FOXP1: variants seen among roughly 807,000 people sequenced by gnomAD.
The protein encoded by FOXP1 is forkhead box P1.
In FOXP1, 15 loss-of-function variants were observed where a neutral mutation model predicts 98.2. The ratio of observed to expected loss-of-function variants is 0.15; its 90% CI spans 0.10 to 0.24. FOXP1 has a LOEUF of 0.24. Among genes scored for constraint, FOXP1 ranks in the 10% least tolerant of loss-of-function variants. The pLI is 1.00. For synonymous variants in FOXP1, 371 were observed against 314.5 expected (o/e 1.18, Z -1.90); for missense variants, 633 against 848.5 (o/e 0.75, Z 3.15).
chr3:71,342,956 T>C (rs1404504239), intron 4 of FOXP1, among the ~76,000 whole-genome samples: 1 of 152,230 alleles, frequency 6.6e-6, no homozygotes, highest in Non-Finnish European at 1.5e-5. Context: ...AATTTAATAA[T>C]AGGCAATCTC....
Position 71,265,835 on chromosome 3 carries a change from T to C in FOXP1, c.-12+33985A>G, listed in dbSNP as rs566815216. On this transcript the variant is annotated intron_variant, in intron 5 of 20. Transcript: ENST00000649528. ...AAAGACAAACCTCATTGGAATCACG[T>C]AGGAGGGGGCGCGAAAAGTGAAGGT... is the stretch of plus-strand genomic sequence containing the variant. 5.1e-4 allele frequency among the ~76,000 whole-genome samples: 77 copies of C among 152,112 alleles called. 1 individual carries two copies. The highest frequency in any genetic ancestry group is 3.4e-3 in the Middle Eastern group (1 of 294).
At chr3:71,533,053 T>C (rs1406503196) in intron 2 of FOXP1, among the ~76,000 whole-genome samples, 4 of 152,224 alleles carry the variant, frequency 2.6e-5, no homozygotes, top group Non-Finnish European at 5.9e-5. Context: ...AAAGTTACCA[T>C]ACAAGTTTTA....
chr3:71,236,094 C>T (rs1350243303), intron 5 of FOXP1, among the ~76,000 whole-genome samples: 1 of 152,186 alleles, frequency 6.6e-6, no homozygotes, highest in Non-Finnish European at 1.5e-5. Context: ...ATCCCATTCT[C>T]TCCTCTCTGC....
intron 3 of FOXP1, among the ~76,000 whole-genome samples, chr3:71,422,851 T>TAC (rs902399717): frequency 2.0e-5 from 3 of 151,508 alleles, no homozygotes; most frequent in Admixed American, 6.6e-5. Flanking sequence ...CATTTCTGGG[T>TAC]ACACACACAC....
chr3:71,501,203 T>C (rs2041314519), intron 2 of FOXP1, among the ~76,000 whole-genome samples: 1 of 151,294 alleles, frequency 6.6e-6, no homozygotes, highest in Non-Finnish European at 1.5e-5. Flanking sequence ...AATAAATAAA[T>C]GGCAAAAATG....
intron 3 of FOXP1, among the ~76,000 whole-genome samples, chr3:71,394,738 A>C (rs1297607754): frequency 1.3e-5 from 2 of 152,158 alleles, no homozygotes; most frequent in African/African-American, 4.8e-5. Context: ...GCTCGTCCCA[A>C]AACTGCTGGG....
chr3:71,117,212 T>G (rs1001450684), intron 6 of FOXP1, among the ~76,000 whole-genome samples: 26 of 151,966 alleles, frequency 1.7e-4, no homozygotes, highest in African/African-American at 5.3e-4. Flanking sequence ...CTCAGCCTCC[T>G]GAATAGCTGG....
chr3:71,272,647 T>A (rs2070481781), intron 5 of FOXP1, among the ~76,000 whole-genome samples: 1 of 151,942 alleles, frequency 6.6e-6, no homozygotes, highest in Non-Finnish European at 1.5e-5. Context: ...TCCTTTATTC[T>A]CATTGACTAG....
intron 3 of FOXP1, among the ~76,000 whole-genome samples, chr3:71,466,625 G>T (rs868768127): frequency 2.6e-4 from 40 of 152,160 alleles, no homozygotes; most frequent in Admixed American, 7.2e-4. Context: ...AATAGCTTAG[G>T]GGGTGGGTGC....
At chr3:70,970,945 T>TCTCCCCGTCACTGATTTG in intron 18 of FOXP1, 140 bp from the exon 19 acceptor site, 1 of 710,196 alleles carries the variant, frequency 1.4e-6, no homozygotes, top group Non-Finnish European at 2.5e-6. Context: ...AGTCAGGCTT[T>TCTCCCCGTCACTGATTTG]CTCCCCGTCA....
At chr3:71,351,128 T>C (rs963464140) in intron 4 of FOXP1, among the ~76,000 whole-genome samples, 14 of 152,150 alleles carry the variant, frequency 9.2e-5, no homozygotes, top group Non-Finnish European at 1.9e-4. Context: ...TGAAAGGTTA[T>C]CCTGCCACAA....
intron 3 of FOXP1, among the ~76,000 whole-genome samples, chr3:71,473,232 G>A (rs1192844229): frequency 1.3e-5 from 2 of 152,066 alleles, no homozygotes; most frequent in Non-Finnish European, 2.9e-5. Context: ...AATTTACCTA[G>A]GTACATACAG....
Position 70,987,995 on chromosome 3 carries a change from G to T in FOXP1, c.1145C>A (p.Pro382His). 1 of 1,613,976 alleles carries T rather than the reference G, an allele frequency of 6.2e-7. No homozygotes were observed. The highest frequency in any genetic ancestry group is 8.5e-7 in the Non-Finnish European group (1 of 1,179,862). The change falls in exon 14 of 21, where the codon CCC becomes CAC. Residue 382 changes from proline (P) to histidine (H), a missense_variant and splice_region_variant. Pro to His is a moderately conservative substitution (Grantham distance 77). Around this residue, in one of 6 missense-constraint regions of FOXP1, gnomAD observed 141 missense variants for 199.5 expected, o/e 0.71. Transcript: ENST00000649528. The stretch of plus-strand genomic sequence containing the variant: ...CCCTTGGTGGGGATCAATACTTACG[G>T]GCTGAGGGGCGGCTTTGGGTTCTGT... Reference protein sequence around the residue: ...KSTEPKAAPQPLNLVSSVTLS... With the variant: ...KSTEPKAAPQHLNLVSSVTLS...
At chr3:71,052,219 C>A (rs145957144) in intron 9 of FOXP1, among the ~76,000 whole-genome samples, 10 of 152,088 alleles carry the variant, frequency 6.6e-5, no homozygotes, top group Non-Finnish European at 1.5e-4. Flanking sequence ...TTCCTGAAAG[C>A]ACTTCACTTC....
intron 14 of FOXP1, among the ~76,000 whole-genome samples, chr3:70,983,345 G>C (rs1269351053): frequency 1.3e-5 from 2 of 152,078 alleles, no homozygotes; most frequent in African/African-American, 4.8e-5. Context: ...TTGTGCCTAA[G>C]AATCCCTTTT....
chr3:71,259,778 T>C (rs1320401828), intron 5 of FOXP1, among the ~76,000 whole-genome samples: 3 of 152,192 alleles, frequency 2.0e-5, no homozygotes, highest in African/African-American at 7.2e-5. Context: ...TAACAAGCAC[T>C]GGGGAAATAC....
At chr3:71,519,169 CCA>C (rs2042795557) in intron 2 of FOXP1, among the ~76,000 whole-genome samples, 1 of 152,188 alleles carries the variant, frequency 6.6e-6, no homozygotes, top group African/African-American at 2.4e-5. Context: ...TCACTGGAAC[CCA>C]GGAGGCAGAG....
At chr3:71,151,878 C>T (rs776055408) in intron 6 of FOXP1, among the ~76,000 whole-genome samples, 6 of 152,110 alleles carry the variant, frequency 3.9e-5, no homozygotes, top group East Asian at 3.9e-4. Context: ...GAACAATCCA[C>T]GAACAGTAGT....
At chr3:71,533,334 G>T (rs2044012704) in intron 2 of FOXP1, among the ~76,000 whole-genome samples, 1 of 152,110 alleles carries the variant, frequency 6.6e-6, no homozygotes, top group Non-Finnish European at 1.5e-5. Context: ...CCTACTCAAT[G>T]TAAAGAACGA....
Sources: allele counts gnomAD v4.1 joint callset (sites outside exome capture counted in the v4.1 genomes callset), GRCh38; gene constraint gnomAD v4.1.1; regional missense constraint gnomAD v4.1.1; transcripts MANE v1.5; gene names NCBI Gene and HGNC (gene_info 2026-07-23, HGNC 2026-07-21).